The following RAB28 variants were observed in gnomAD, a reference collection of about 807,000 sequenced individuals.
The protein encoded by RAB28 is ras-related protein Rab-28.
A neutral mutation model predicts 31.7 loss-of-function variants in RAB28; 24 were observed. The observed-to-expected ratio is 0.76, with a 90% confidence interval of 0.55 to 1.06. The LOEUF (loss-of-function observed/expected upper bound fraction) is 1.06, where lower values mean the gene tolerates loss of function less well. RAB28 is among the 50% of genes least tolerant of loss of function. The probability of loss-of-function intolerance (pLI) is 0.00; values close to 1 mark genes in which losing one functional copy is unlikely to be tolerated. For missense variants in RAB28, 254 were observed against 258.5 expected, an observed-to-expected ratio of 0.98 and a Z score of 0.12; for synonymous variants, 100 against 90.4, an observed-to-expected ratio of 1.11 and a Z score of -0.60.
At chr4:13,438,823 G>A (rs1258109781) in intron 4 of RAB28, among the ~76,000 whole-genome samples, 1 of 152,168 alleles carries the variant, frequency 6.6e-6, no homozygotes, top group Non-Finnish European at 1.5e-5. Flanking sequence ...CTGACTTTTT[G>A]AGGAGCTGCC....
chr4:13,456,016 A>T (rs547173397), intron 4 of RAB28, among the ~76,000 whole-genome samples: 12 of 152,110 alleles, frequency 7.9e-5, no homozygotes, highest in South Asian at 6.2e-4. Context: ...AAACAAAGAA[A>T]TTTTTTTTTA....
At chr4:13,449,120 T>C (rs2108949245) in intron 4 of RAB28, among the ~76,000 whole-genome samples, 1 of 152,136 alleles carries the variant, frequency 6.6e-6, no homozygotes, top group East Asian at 1.9e-4. Flanking sequence ...CTGTTTATGC[T>C]TCATAAATTA....
At chr4:13,481,046 T>C (rs1716582956) in intron 1 of RAB28, among the ~76,000 whole-genome samples, 1 of 152,014 alleles carries the variant, frequency 6.6e-6, no homozygotes, top group Admixed American at 6.5e-5. Flanking sequence ...AAAGAGAAAC[T>C]GAAGGCATGT....
At chr4:13,369,806 C>T (rs1728646826) in intron 6 of RAB28, 2 of 1,425,852 alleles carry the variant, frequency 1.4e-6, no homozygotes, top group African/African-American at 1.4e-5. Flanking sequence ...GAATAAAGAA[C>T]AAGATAGCAT....
At chr4:13,480,261 T>C (rs539068846) in intron 1 of RAB28, among the ~76,000 whole-genome samples, 11 of 151,872 alleles carry the variant, frequency 7.2e-5, no homozygotes, top group African/African-American at 2.6e-4. Context: ...CTTTTTAAAG[T>C]ACCATTTCTT....
At chr4:13,472,015 G>A (rs531039477) in intron 3 of RAB28, among the ~76,000 whole-genome samples, 3 of 152,148 alleles carry the variant, frequency 2.0e-5, no homozygotes, top group African/African-American at 7.2e-5. Flanking sequence ...TTCTACAAAT[G>A]TTCTCATTAA....
intron 4 of RAB28, among the ~76,000 whole-genome samples, chr4:13,453,435 T>C (rs1420478884): frequency 2.0e-5 from 3 of 152,112 alleles, no homozygotes; most frequent in Admixed American, 6.6e-5. Flanking sequence ...GTGTATTGGC[T>C]CTAGCAGCAA....
chr4:13,422,795 T>C (rs1423653967), intron 4 of RAB28, among the ~76,000 whole-genome samples: 1 of 151,988 alleles, frequency 6.6e-6, no homozygotes, highest in Non-Finnish European at 1.5e-5. Flanking sequence ...AAATACCTAA[T>C]GTAAATGACG....
chr4:13,451,163 C>A (rs1034080959), intron 4 of RAB28, among the ~76,000 whole-genome samples: 3 of 151,898 alleles, frequency 2.0e-5, no homozygotes, highest in Non-Finnish European at 2.9e-5. Flanking sequence ...TATAAGAGTT[C>A]TTTTCCTTCA....
chr4:13,451,532 T>C lies in RAB28; in HGVS notation c.391+9167A>G, dbSNP rs567965980. On this transcript the variant is annotated intron_variant, in intron 4 of 6. Coordinates refer to ENST00000330852, the MANE Select transcript of RAB28 (RefSeq NM_001017979.3). ...TATTTTTTCCCAATTTGTAGATTAC[T>C]TTTTCACTCTGTTGGTTGTTTCCTT... Among the ~76,000 whole-genome samples the C allele has an allele frequency of 4.6e-5, 7 of 151,814 alleles. No individual in the cohort carries two copies. In the South Asian group the frequency reaches 1.5e-3, roughly 31 times the overall value.
chr4:13,420,729 A>G (rs1713082617), intron 4 of RAB28, among the ~76,000 whole-genome samples: 1 of 152,224 alleles, frequency 6.6e-6, no homozygotes, highest in South Asian at 2.1e-4. Flanking sequence ...AAAACTTTCA[A>G]TGAACTAGGT....
chr4:13,464,576 G>A (rs192620551), intron 3 of RAB28, among the ~76,000 whole-genome samples: 17 of 152,152 alleles, frequency 1.1e-4, no homozygotes, highest in Admixed American at 1.0e-3. Context: ...ACATCTGAAA[G>A]AGCTGCAAGA....
chr4:13,473,698 A>C, intron 3 of RAB28: 2 of 268,612 alleles, frequency 7.4e-6, no homozygotes, highest in South Asian at 7.2e-5. Context: ...GGAGAATATA[A>C]GCTCATGTTG....
At chr4:13,470,215 T>C (rs1456810678) in intron 3 of RAB28, among the ~76,000 whole-genome samples, 1 of 152,102 alleles carries the variant, frequency 6.6e-6, no homozygotes, top group Non-Finnish European at 1.5e-5. Flanking sequence ...TTTAGTTACA[T>C]ATAGAAATGA....
intron 4 of RAB28, among the ~76,000 whole-genome samples, chr4:13,429,584 G>A (rs762632338): frequency 2.0e-5 from 3 of 149,584 alleles, no homozygotes; most frequent in African/African-American, 7.6e-5. Flanking sequence ...TTTAACAAGT[G>A]CAAATTTTAT....
intron 4 of RAB28, among the ~76,000 whole-genome samples, chr4:13,451,857 A>G (rs553400473): frequency 7.2e-5 from 11 of 152,048 alleles, no homozygotes; most frequent in African/African-American, 2.4e-4. Context: ...TCCTTTCCCC[A>G]CTGAGTGTTC....
At chr4:13,383,616 T>G (rs1729229137) in intron 4 of RAB28, among the ~76,000 whole-genome samples, 1 of 152,160 alleles carries the variant, frequency 6.6e-6, no homozygotes, top group African/African-American at 2.4e-5. Context: ...AAATCTCATC[T>G]GGAAATGTAG....
At position 13,415,892 on chromosome 4, in the gene RAB28, G is replaced by T. The variant is rs188231801; in HGVS notation, c.392-34298C>A. Among the ~76,000 whole-genome samples, 697 of 152,328 alleles carry T rather than the reference G, an allele frequency of 4.6e-3. 6 individuals carry two copies. The highest frequency in any genetic ancestry group is 0.016 in the African/African-American group (664 of 41,584). On this transcript the variant is annotated intron_variant, in intron 4 of 6. Coordinates refer to ENST00000330852, the MANE Select transcript of RAB28 (RefSeq NM_001017979.3). ...AACCTTTATGTCTAGCTAGGGGATT[G>T]TAAATACACCAATCGGCACTCTGTA...
intron 4 of RAB28, among the ~76,000 whole-genome samples, chr4:13,383,870 C>T (rs1400902477): frequency 2.6e-5 from 4 of 152,200 alleles, no homozygotes; most frequent in African/African-American, 9.6e-5. Flanking sequence ...GCAGTCCTGC[C>T]TATCACACAG....
Sources: allele counts gnomAD v4.1 joint callset (sites outside exome capture counted in the v4.1 genomes callset), GRCh38; gene constraint gnomAD v4.1.1; transcripts MANE v1.5; gene names NCBI Gene and HGNC (gene_info 2026-07-23, HGNC 2026-07-21).